Variants in MRPS27 observed in about 807,000 individuals in gnomAD.
MRPS27 encodes the protein mitochondrial ribosomal protein S27.
Under a neutral mutation model 48.9 loss-of-function variants are expected in MRPS27, and 43 were observed. The observed-to-expected ratio is 0.88, with a 90% CI of 0.69 to 1.13. MRPS27 has a LOEUF of 1.13. MRPS27 is among the 50% of genes most tolerant of loss of function. The probability of loss-of-function intolerance (pLI) is 0.00; values close to 1 mark genes in which losing one functional copy is unlikely to be tolerated. For synonymous variants in MRPS27, 188 were observed against 171.9 expected (o/e 1.09, Z -0.73); for missense variants, 467 against 476.3 (o/e 0.98, Z 0.18).
chr5:72,262,231 A>G (rs1748999559), intron 4 of MRPS27, among the ~76,000 whole-genome samples: 1 of 152,212 alleles, frequency 6.6e-6, no homozygotes, highest in South Asian at 2.1e-4. Context: ...TATCTATAAA[A>G]TGAGAATAAG....
chr5:72,258,083 C>CAAAAAAAAAAAAAAAAAAAAA (rs1030737219), intron 4 of MRPS27, among the ~76,000 whole-genome samples: 1 of 61,348 alleles, frequency 1.6e-5, no homozygotes, highest in Non-Finnish European at 3.4e-5. Flanking sequence ...GACTCTGTCT[C>CAAAAAAAAAAAAAAAAAAAAA]AAAAAAAAAA....
At chr5:72,294,056 T>G (rs1749910960) in intron 4 of MRPS27, among the ~76,000 whole-genome samples, 1 of 152,136 alleles carries the variant, frequency 6.6e-6, no homozygotes, top group Admixed American at 6.6e-5. Context: ...GGACCTAAAA[T>G]TTCAACTTAG....
intron 2 of MRPS27, among the ~76,000 whole-genome samples, chr5:72,312,936 C>T (rs1750478532): frequency 6.6e-6 from 1 of 152,142 alleles, no homozygotes; most frequent in South Asian, 2.1e-4. Context: ...GTTTTTAAAA[C>T]AGTAAGTATA....
At chr5:72,278,604 G>C (rs572919821) in intron 4 of MRPS27, among the ~76,000 whole-genome samples, 1 of 152,112 alleles carries the variant, frequency 6.6e-6, no homozygotes, top group East Asian at 1.9e-4. Flanking sequence ...CCTTGAATTT[G>C]TTGTTTACCA....
intron 4 of MRPS27, 70 bp from the exon 5 acceptor site, chr5:72,238,198 G>A (rs1339065782): frequency 9.8e-6 from 10 of 1,017,404 alleles, no homozygotes; most frequent in Non-Finnish European, 1.2e-5. Context: ...TCCATCGATA[G>A]GTCCTTCTCT....
At chr5:72,309,686 T>C (rs1231480248) in intron 2 of MRPS27, among the ~76,000 whole-genome samples, 1 of 152,232 alleles carries the variant, frequency 6.6e-6, no homozygotes, top group Admixed American at 6.5e-5. Context: ...AGTGGCCTCA[T>C]TTCCTAATCT....
chr5:72,222,285 C>T (rs1001489424), intron 10 of MRPS27, among the ~76,000 whole-genome samples: 5 of 152,214 alleles, frequency 3.3e-5, no homozygotes, highest in African/African-American at 1.2e-4. Context: ...GACTAAACTA[C>T]GAGTTGGCAA....
rs1580069171 is a variant in MRPS27, at chr5:72,248,717, T to C, written c.282-10589A>G. On this transcript the variant is annotated intron_variant, in intron 4 of 10. Coordinates refer to ENST00000261413, the MANE Select transcript of MRPS27 (RefSeq NM_015084.3). ...AAAGCTTTGATGTATAATAGTTAAA[T>C]AGATTCCAGACAGGCTTAACTGAAG... Among the ~76,000 whole-genome samples, 3 of 21,890 alleles carry C rather than the reference T, an allele frequency of 1.4e-4. 1 individual carries two copies. In the South Asian group the frequency reaches 3.5e-3, roughly 26 times the overall value. 14.4% of individuals were successfully genotyped at this position (21,890 alleles called of 152,430 possible).
At chr5:72,295,373 G>C (rs1749949069) in intron 4 of MRPS27, 158 bp downstream of exon 4, 3 of 564,714 alleles carry the variant, frequency 5.3e-6, no homozygotes, top group Middle Eastern at 9.6e-4. Context: ...ATAAAATGCA[G>C]TTATAAAAAA....
In MRPS27 at chr5:72,259,959, GTTC is replaced by G. The variant is rs1039377647; in HGVS notation, c.282-21834_282-21832del. 2.3e-4 allele frequency among the ~76,000 whole-genome samples: 35 copies of G among 152,118 alleles called. No homozygotes were observed. In the Middle Eastern group the frequency reaches 0.014, roughly 59 times the overall value. ...TTAGTAGTTAGGGTGGATGGACATCGTTCATAGTGCTTATTGGCTATATGCCTT... is the reference window on the plus strand; with the variant it reads ...TTAGTAGTTAGGGTGGATGGACATCGATAGTGCTTATTGGCTATATGCCTT... On this transcript the variant is annotated intron_variant, in intron 4 of 10. Coordinates refer to ENST00000261413, the MANE Select transcript of MRPS27 (RefSeq NM_015084.3).
At chr5:72,258,834 C>A (rs1014079212) in intron 4 of MRPS27, among the ~76,000 whole-genome samples, 10 of 152,154 alleles carry the variant, frequency 6.6e-5, no homozygotes, top group African/African-American at 2.4e-5. Flanking sequence ...ACAAAATAGA[C>A]TATGACAGTA....
At chr5:72,249,196 T>C (rs1366642469) in intron 4 of MRPS27, among the ~76,000 whole-genome samples, 1 of 152,220 alleles carries the variant, frequency 6.6e-6, no homozygotes, top group Non-Finnish European at 1.5e-5. Flanking sequence ...GCAGAGAGAA[T>C]AGTTCTACTT....
chr5:72,234,237 T>C (rs770882174), intron 5 of MRPS27, 40 bp from the exon 6 acceptor site: 1 of 1,383,472 alleles, frequency 7.2e-7, no homozygotes, highest in South Asian at 1.6e-5. Context: ...AAAGAGAAAA[T>C]TATCTAATTT....
rs185353302 is a variant in MRPS27 at position 72,277,554 on chromosome 5, A to G, written c.281+17977T>C. 1.2e-3 allele frequency among the ~76,000 whole-genome samples: 188 copies of G among 152,134 alleles called. 2 individuals are homozygous for G. Among genetic ancestry groups the G allele is most frequent in the African/African-American group, 4.3e-3 (177 of 41,510 alleles). ...GGGAGTCGGAGGTTGCAGTGAGCCG[A>G]GATCTTGCCACTGCACTCCAGCCTG... On this transcript the variant is annotated intron_variant, in intron 4 of 10. Coordinates refer to ENST00000261413, the MANE Select transcript of MRPS27 (RefSeq NM_015084.3).
intron 1 of MRPS27, among the ~76,000 whole-genome samples, chr5:72,318,202 C>G (rs1185611938): frequency 6.6e-6 from 1 of 152,142 alleles, no homozygotes; most frequent in Admixed American, 6.5e-5. Context: ...AAGTGGTTGT[C>G]ATGTTGTATT....
At position 72,226,076 on chromosome 5, in the gene MRPS27, A is replaced by C; in HGVS notation, c.818T>G (p.Ile273Arg). 1.2e-6 allele frequency: 2 copies of C among 1,613,710 alleles called. No homozygotes were observed. The highest frequency in any genetic ancestry group is 1.1e-5 in the South Asian group (1 of 91,060). Residue 273 changes from isoleucine to arginine, a missense_variant, in exon 9 of 11, where the codon ATA becomes AGA. Physicochemically the swap from Ile to Arg is moderately conservative, Grantham distance 97. Transcript: ENST00000261413. Reference sequence around the variant, plus strand: ...ACATACCGCTTCTCTACACAGCTTTATGTCTTCTGGGGAGGCAGCCACTTT... The same window carrying C: ...ACATACCGCTTCTCTACACAGCTTTCTGTCTTCTGGGGAGGCAGCCACTTT... ...MEKVAASPED[I>R]KLCREALDVL...
chr5:72,304,230 G>C (rs1196593504), intron 2 of MRPS27, among the ~76,000 whole-genome samples: 1 of 151,332 alleles, frequency 6.6e-6, no homozygotes. Flanking sequence ...GACCAGTGGA[G>C]GGGAAAAAAA....
At chr5:72,225,145 G>T (rs931310327) in intron 9 of MRPS27, among the ~76,000 whole-genome samples, 3 of 152,166 alleles carry the variant, frequency 2.0e-5, no homozygotes, top group African/African-American at 7.2e-5. Flanking sequence ...CTACAGCAGG[G>T]TTAAAACAAG....
At chr5:72,304,464 G>A (rs560481698) in intron 2 of MRPS27, among the ~76,000 whole-genome samples, 1 of 152,156 alleles carries the variant, frequency 6.6e-6, no homozygotes, top group South Asian at 2.1e-4. Context: ...TATAAACACA[G>A]AAGAGTTGAA....
Sources: allele counts gnomAD v4.1 joint callset (sites outside exome capture counted in the v4.1 genomes callset), GRCh38; gene constraint gnomAD v4.1.1; transcripts MANE v1.5; gene names NCBI Gene and HGNC (gene_info 2026-07-23, HGNC 2026-07-21).